Variants in DYDC1 observed in about 807,000 individuals in gnomAD.
The protein encoded by DYDC1 is DPY30 domain-containing protein 1.
In DYDC1, 21 loss-of-function variants were observed where a neutral mutation model predicts 27.9. The ratio of observed to expected loss-of-function variants is 0.75; its 90% CI spans 0.53 to 1.08. The LOEUF is 1.08. Ranked by LOEUF, DYDC1 falls within the 50% of genes least tolerant of loss-of-function variation. DYDC1 has a pLI of 0.00. For missense variants in DYDC1, 202 were observed against 205.9 expected (o/e 0.98, Z 0.12); for synonymous variants, 67 against 65.8 (o/e 1.02, Z -0.09).
intron 3 of DYDC1, among the ~76,000 whole-genome samples, chr10:80,345,136 T>C (rs1422723048): frequency 6.6e-6 from 1 of 152,208 alleles, no homozygotes; most frequent in Non-Finnish European, 1.5e-5. Flanking sequence ...GAATCTATTA[T>C]GTGTTATTGA....
At chr10:80,356,552 C>T (rs1166673070) in intron 1 of DYDC1, 160 bp downstream of exon 1, 13 of 985,390 alleles carry the variant, frequency 1.3e-5, no homozygotes, top group Non-Finnish European at 1.4e-5. Flanking sequence ...GACAGCTGGC[C>T]GCTTTCGGGA....
chr10:80,342,806 C>A (rs772507734), intron 3 of DYDC1, among the ~76,000 whole-genome samples: 1 of 151,890 alleles, frequency 6.6e-6, no homozygotes, highest in Non-Finnish European at 1.5e-5. Flanking sequence ...CATGGTGAAA[C>A]CCTGTCTCTA....
At chr10:80,336,098 C>G, downstream of DYDC1, 1 of 1,184,512 alleles carries the variant, frequency 8.4e-7, no homozygotes, top group Non-Finnish European at 1.2e-6. Context: ...AATTGGGAAC[C>G]TCATGGTTTG....
chr10:80,349,640 T>C (rs541449712), intron 3 of DYDC1, among the ~76,000 whole-genome samples: 138 of 152,332 alleles, frequency 9.1e-4, no homozygotes, highest in African/African-American at 3.1e-3. Context: ...CAATCAACTT[T>C]CAGACATTGG....
intron 3 of DYDC1, among the ~76,000 whole-genome samples, chr10:80,345,403 C>A (rs1842551802): frequency 6.6e-6 from 1 of 152,164 alleles, no homozygotes; most frequent in African/African-American, 2.4e-5. Flanking sequence ...TATCCATCAT[C>A]TTAGACAGTT....
At chr10:80,337,928 G>C in intron 6 of DYDC1, 1 of 297,424 alleles carries the variant, frequency 3.4e-6, no homozygotes, top group Non-Finnish European at 5.0e-6. Context: ...AAATTATGTG[G>C]TCCCACTAAC....
At chr10:80,338,165 GC>G (rs548172742) in intron 6 of DYDC1, 3 of 985,332 alleles carry the variant, frequency 3.0e-6, no homozygotes, top group Non-Finnish European at 3.6e-6. Context: ...CAAAAATCGT[GC>G]CCCCCACACC....
chr10:80,341,314 G>A (rs143271422), intron 4 of DYDC1, among the ~76,000 whole-genome samples: 3,897 of 151,296 alleles, frequency 0.026, 167 homozygotes, highest in African/African-American at 0.09. Flanking sequence ...ATGGTTGTGC[G>A]TGCCTGTAAT....
chr10:80,346,476 T>TTTTTTTTTTTTTTTTC (rs1193935552), intron 3 of DYDC1, among the ~76,000 whole-genome samples: 1 of 141,408 alleles, frequency 7.1e-6, no homozygotes, highest in African/African-American at 2.7e-5. Context: ...TTTTTTCTTT[T>TTTTTTTTTTTTTTTTC]TTGAGACGGA....
intron 3 of DYDC1, among the ~76,000 whole-genome samples, chr10:80,351,573 C>G (rs1053557398): frequency 1.3e-5 from 2 of 151,920 alleles, no homozygotes; most frequent in Non-Finnish European, 2.9e-5. Flanking sequence ...ATATGGTTGA[C>G]CACTCAGATC....
chr10:80,342,731 A>G (rs1172635184), intron 3 of DYDC1, among the ~76,000 whole-genome samples: 3 of 152,226 alleles, frequency 2.0e-5, no homozygotes, highest in African/African-American at 7.2e-5. Flanking sequence ...CTGTAATCCC[A>G]GCACTTTGAG....
At chr10:80,353,455 C>A (rs1175421541) in intron 1 of DYDC1, among the ~76,000 whole-genome samples, 1 of 151,486 alleles carries the variant, frequency 6.6e-6, no homozygotes, top group Non-Finnish European at 1.5e-5. Context: ...AGCCACCGCG[C>A]CTGGCCGACC....
intron 3 of DYDC1, among the ~76,000 whole-genome samples, chr10:80,346,804 G>A (rs2132793181): frequency 6.6e-6 from 1 of 152,130 alleles, no homozygotes; most frequent in Admixed American, 6.5e-5. Context: ...GCTGGTCACG[G>A]TGGCTCATGC....
Position 80,338,486 on chromosome 10 carries a change from T to C in DYDC1, c.485A>G (p.Asp162Gly), listed in dbSNP as rs1214332997. ...APNLSRVEEL[D>G]EPMFSDIALN... is the part of the protein sequence containing the mutation. ...ACTGACATCAGAAAACATTGGTTCA[T>C]CAAGTTCTTCCACTCTGCTCAAGTT... The change falls in exon 6 of 7, where the codon GAT becomes GGT. Residue 162 changes from aspartate to glycine, a missense_variant. Physicochemically the swap from Asp to Gly is moderately conservative, Grantham distance 94 (BLOSUM62 -1). Coordinates refer to ENST00000372202, the MANE Select transcript of DYDC1 (RefSeq NM_001269053.2). 1.2e-6 allele frequency: 2 copies of C among 1,613,294 alleles called. No homozygotes were observed. The highest frequency in any genetic ancestry group is 1.7e-6 in the Non-Finnish European group (2 of 1,179,650).
chr10:80,346,440 C>CTTTTTTTTTTTTT (rs370935161), intron 3 of DYDC1, among the ~76,000 whole-genome samples: 1 of 92,416 alleles, frequency 1.1e-5, no homozygotes, highest in African/African-American at 6.1e-5. Flanking sequence ...TGTCTCTTCC[C>CTTTTTTTTTTTTT]TTTCTTTTTT....
At chr10:80,341,523 A>G (rs558020450) in intron 4 of DYDC1, among the ~76,000 whole-genome samples, 1 of 151,898 alleles carries the variant, frequency 6.6e-6, no homozygotes, top group Admixed American at 6.6e-5. Context: ...GTATGAACAT[A>G]TTTTAAAATG....
At chr10:80,352,720 TG>T in intron 1 of DYDC1, 110 bp from the exon 2 acceptor site, 1 of 1,306,798 alleles carries the variant, frequency 7.7e-7, no homozygotes, top group Non-Finnish European at 9.8e-7. Flanking sequence ...CCCTCAGTCA[TG>T]GACACCTCCC....
chr10:80,347,273 A>G (rs7087636), intron 3 of DYDC1, among the ~76,000 whole-genome samples: 1 of 108,054 alleles, frequency 9.3e-6, no homozygotes, highest in East Asian at 2.6e-4. Context: ...TTTAATTGGG[A>G]TCCTTTTTTT....
chr10:80,347,157 T>C (rs1484700583), intron 3 of DYDC1, among the ~76,000 whole-genome samples: 1 of 152,082 alleles, frequency 6.6e-6, no homozygotes, highest in East Asian at 1.9e-4. Context: ...TGCACTTCCC[T>C]GATGACTAGC....
Sources: allele counts gnomAD v4.1 joint callset (sites outside exome capture counted in the v4.1 genomes callset), GRCh38; gene constraint gnomAD v4.1.1; transcripts MANE v1.5; gene names NCBI Gene and HGNC (gene_info 2026-07-23, HGNC 2026-07-21).